The following MDGA1 variants were observed in gnomAD, a reference collection of about 807,000 sequenced individuals.
MDGA1 encodes the protein MAM domain containing glycosylphosphatidylinositol anchor 1, also known as MAM domain-containing glycosylphosphatidylinositol anchor protein 1.
MDGA1 carries 54 observed loss-of-function variants against 101.5 expected under a neutral mutation model. The ratio of observed to expected loss-of-function variants is 0.53; its 90% CI spans 0.43 to 0.67. The LOEUF (loss-of-function observed/expected upper bound fraction) is 0.67, where lower values mean the gene tolerates loss of function less well. MDGA1 is among the 30% of genes least tolerant of loss of function. MDGA1 has a pLI of 0.00. For missense variants in MDGA1, 1,083 were observed against 1,323.8 expected (o/e 0.82, Z 2.82); for synonymous variants, 533 against 558.3 (o/e 0.95, Z 0.64).
intron 2 of MDGA1, among the ~76,000 whole-genome samples, chr6:37,659,290 A>G (rs1412462516): frequency 6.6e-6 from 1 of 152,194 alleles, no homozygotes; most frequent in African/African-American, 2.4e-5. Context: ...GTTTTGGAGT[A>G]TTTGTTATGC....
intron 9 of MDGA1, 146 bp downstream of exon 9, chr6:37,648,836 G>C: frequency 7.2e-7 from 1 of 1,382,284 alleles, no homozygotes; most frequent in Non-Finnish European, 9.4e-7. Flanking sequence ...GGCGGGTCTT[G>C]GAAAGGCCGG....
intron 2 of MDGA1, among the ~76,000 whole-genome samples, chr6:37,662,643 A>AAAAAAAAAAAAGAAAAGAAAAG (rs572346506): frequency 4.8e-5 from 7 of 145,288 alleles, no homozygotes; most frequent in Middle Eastern, 3.5e-3. Flanking sequence ...TCAAAAAAAA[A>AAAAAAAAAAAAGAAAAGAAAAG]AAAACAAGGA....
Position 37,655,307 on chromosome 6 carries a change from T to C in MDGA1, c.580-375A>G, listed in dbSNP as rs1353134334. ...GAAAGCCCTCCTTGGCAGAATGGCA[T>C]CACCACCATCTCCTGGGACTATCAG... On this transcript the variant is annotated intron_variant, in intron 4 of 16. Coordinates refer to ENST00000434837, the MANE Select transcript of MDGA1 (RefSeq NM_153487.4). This position sits in a 1 kb window ranked among gnomAD's most constrained non-coding sequence, Gnocchi z 5.1. 2 of 341,552 alleles carry C rather than the reference T, an allele frequency of 5.9e-6. No homozygotes were observed. The highest frequency in any genetic ancestry group is 4.5e-5 in the South Asian group (1 of 22,334). The allele number at this position is 341,552 out of a possible 1,614,324, so 21.2% of individuals were successfully genotyped here.
chr6:37,668,839 T>TC (rs1761810613), intron 1 of MDGA1, among the ~76,000 whole-genome samples: 1 of 151,304 alleles, frequency 6.6e-6, no homozygotes, highest in Non-Finnish European at 1.5e-5. Flanking sequence ...TTTTCTCTCT[T>TC]TCTCTCTCTC....
In MDGA1 at chr6:37,648,999, C is replaced by T. The variant is rs1448211978; in HGVS notation, c.1877G>A (p.Cys626Tyr). The T allele has an allele frequency of 6.4e-7, 1 of 1,552,644 alleles. No homozygotes were observed. The highest frequency in any genetic ancestry group is 8.7e-7 in the Non-Finnish European group (1 of 1,149,744). Residue 626 changes from cysteine to tyrosine, a missense_variant, in exon 9 of 17, where the codon TGC (cysteine) becomes TAC (tyrosine). By Grantham distance (194) the Cys-to-Tyr change is radical (BLOSUM62 -2). Around this residue, in one of 3 missense-constraint regions of MDGA1, gnomAD observed 657 missense variants for 771.4 expected, o/e 0.85. Coordinates refer to ENST00000434837, the MANE Select transcript of MDGA1 (RefSeq NM_153487.4). ...ACGCTCACCGGAGACCTGGAAGAGG[C>T]AGGCAGCCGAGCCCACATCGTTGGA... ...SVSNDVGSAACLFQVSAKAYS... is the reference protein window; with the variant it reads ...SVSNDVGSAAYLFQVSAKAYS...
chr6:37,689,215 C>T (rs1372384439), intron 1 of MDGA1, among the ~76,000 whole-genome samples: 1 of 152,194 alleles, frequency 6.6e-6, no homozygotes, highest in African/African-American at 2.4e-5. Flanking sequence ...AGGGCTCTGG[C>T]CTCAGCCCAA....
chr6:37,666,118 C>CGG (rs959462060), intron 1 of MDGA1, among the ~76,000 whole-genome samples: 4 of 149,792 alleles, frequency 2.7e-5, no homozygotes, highest in African/African-American at 9.9e-5. Flanking sequence ...GAGGCCGAGG[C>CGG]GGGTGGATCA....
rs751369161 is a variant in MDGA1 at position 37,638,514 on chromosome 6, T to C, written c.2667+23A>G. The stretch of plus-strand genomic sequence containing the variant: ...CAGCAACCACCGAAGCCGGGGAGGG[T>C]CCTCTGGGCCCTACGGACTCACCTG... On this transcript the variant is annotated intron_variant, in intron 15 of 16. Coordinates refer to ENST00000434837, the MANE Select transcript of MDGA1 (RefSeq NM_153487.4). This position sits in a 1 kb window ranked among gnomAD's most constrained non-coding sequence, Gnocchi z 4.8. 6 of 1,611,802 alleles carry C rather than the reference T, an allele frequency of 3.7e-6. No individual in the cohort carries two copies. The highest frequency in any genetic ancestry group is 3.3e-5 in the South Asian group (3 of 91,010).
At chr6:37,657,032 G>A (rs1761505121) in intron 3 of MDGA1, among the ~76,000 whole-genome samples, 1 of 152,044 alleles carries the variant, frequency 6.6e-6, no homozygotes, top group South Asian at 2.1e-4. Context: ...GGGCATGAAG[G>A]AACTTTCTAG....
Position 37,660,402 on chromosome 6 carries a change from C to T in MDGA1, c.208-1983G>A, listed in dbSNP as rs550093838. Among the ~76,000 whole-genome samples, 127 of 152,148 alleles carry T rather than the reference C, an allele frequency of 8.3e-4. 1 individual carries two copies. The highest frequency in any genetic ancestry group is 3.0e-3 in the African/African-American group (125 of 41,534). On this transcript the variant is annotated intron_variant, in intron 2 of 16. Coordinates refer to ENST00000434837, the MANE Select transcript of MDGA1 (RefSeq NM_153487.4). Reference sequence around the variant, plus strand: ...TTTATGTTGTAGCTTCTCATTCTATCCTCCATGTCTCTCAACTTCTTTTTC... The same window carrying T: ...TTTATGTTGTAGCTTCTCATTCTATTCTCCATGTCTCTCAACTTCTTTTTC...
Position 37,655,030 on chromosome 6 carries a change from G to A in MDGA1, c.580-98C>T. 1 of 1,434,130 alleles carries A rather than the reference G, an allele frequency of 7.0e-7. No homozygotes were observed. The highest frequency in any genetic ancestry group is 9.4e-7 in the Non-Finnish European group (1 of 1,062,100). The allele number at this position is 1,434,130 out of a possible 1,614,324, so 88.8% of individuals were successfully genotyped here. A position where few individuals can be genotyped will look rare whatever the true frequency, so the allele number is the denominator to read the frequency against. On this transcript the variant is annotated intron_variant, in intron 4 of 16. Coordinates refer to ENST00000434837, the MANE Select transcript of MDGA1 (RefSeq NM_153487.4). The surrounding 1 kb of genome is among the most constrained non-coding windows in gnomAD (Gnocchi z 5.1). ...GCACCAGAGCCTACCACAAATGCCT[G>A]TCTAATTCCTCTCTTTCCATCCCCA...
rs1055412568 is a variant in MDGA1 at position 37,635,780 on chromosome 6, G to A, written c.*1588C>T. The A allele has an allele frequency of 2.8e-5, 11 of 398,396 alleles. No homozygotes were observed. Among genetic ancestry groups the A allele is most frequent in the African/African-American group, 1.6e-4 (8 of 48,644 alleles). 24.7% of individuals were successfully genotyped at this position (398,396 alleles called of 1,614,324 possible). A position where few individuals can be genotyped will look rare whatever the true frequency, so the allele number is the denominator to read the frequency against. On this transcript the variant is annotated 3_prime_UTR_variant, in exon 17 of 17. Coordinates refer to ENST00000434837, the MANE Select transcript of MDGA1 (RefSeq NM_153487.4). ...TCTCCGTCATCCATAGGGGATGAAAGGTGGAATTTCAGGCCATCGCAGGCA... is the reference window on the plus strand; with the variant it reads ...TCTCCGTCATCCATAGGGGATGAAAAGTGGAATTTCAGGCCATCGCAGGCA...
intron 6 of MDGA1, among the ~76,000 whole-genome samples, chr6:37,653,119 A>G (rs560250199): frequency 6.6e-6 from 1 of 152,358 alleles, no homozygotes; most frequent in African/African-American, 2.4e-5. Flanking sequence ...TGGACAGGAC[A>G]CTGGCACAAC....
rs371894553 is a variant in MDGA1, at chr6:37,654,515, G to C, written c.741C>G (p.Asn247Lys). 6.2e-7 allele frequency: 1 copy of C among 1,614,018 alleles called. No homozygotes were observed. The highest frequency in any genetic ancestry group is 8.5e-7 in the Non-Finnish European group (1 of 1,179,894). Residue 247 changes from asparagine to lysine, a missense_variant, in exon 6 of 17, where the codon AAC (asparagine) becomes AAG (lysine). Coordinates refer to ENST00000434837, the MANE Select transcript of MDGA1 (RefSeq NM_153487.4). ...TAPPALKLSV[N>K]ETLVVNPGEN... ...CCCCAGGGTTCACCACCAGAGTTTCGTTCACAGACAGCTTCAGGGCTGGTG... is the reference window on the plus strand; with the variant it reads ...CCCCAGGGTTCACCACCAGAGTTTCCTTCACAGACAGCTTCAGGGCTGGTG...
At chr6:37,666,924 TGATC>T (rs1203646784) in intron 1 of MDGA1, among the ~76,000 whole-genome samples, 1 of 152,224 alleles carries the variant, frequency 6.6e-6, no homozygotes, top group Admixed American at 6.5e-5. Context: ...AAACCTCTAG[TGATC>T]TTTGGACATT....
At chr6:37,648,853 G>T (rs1761282422) in intron 9 of MDGA1, 129 bp downstream of exon 9, 2 of 1,411,354 alleles carry the variant, frequency 1.4e-6, no homozygotes, top group South Asian at 1.5e-5. Flanking sequence ...CCGGGGCTAA[G>T]CCTGGAGTAG....
intron 1 of MDGA1, among the ~76,000 whole-genome samples, chr6:37,674,190 G>A (rs1047358747): frequency 4.6e-5 from 7 of 152,098 alleles, no homozygotes; most frequent in South Asian, 2.1e-4. Context: ...CCCATATTCA[G>A]CCAACCTTCC....
At chr6:37,687,437 T>A (rs1484912512) in intron 1 of MDGA1, among the ~76,000 whole-genome samples, 8 of 144,676 alleles carry the variant, frequency 5.5e-5, no homozygotes, top group African/African-American at 2.1e-4. Context: ...GGCATGGTGG[T>A]GTATGCCTGT....
In MDGA1 at chr6:37,646,248, G is replaced by T; in HGVS notation, c.2174C>A (p.Thr725Asn). The stretch of plus-strand genomic sequence containing the variant: ...GGCCATGTCACCAGCCCCGAAGGTG[G>T]TATAGGGTGTGAGGCGGACCTCATA... ...HSYEVRLTPY[T>N]TFGAGDMASR... The change falls in exon 11 of 17, where the codon ACC (threonine) becomes AAC (asparagine). Residue 725 changes from threonine to asparagine, a missense_variant. Thr to Asn is a moderately conservative substitution (Grantham distance 65). Transcript: ENST00000434837. 1 of 1,603,904 alleles carries T rather than the reference G, an allele frequency of 6.2e-7. No individual in the cohort carries two copies.
Sources: gnomAD v4.1 joint callset for allele counts (sites outside exome capture counted in the v4.1 genomes callset) on GRCh38, gnomAD v4.1.1 for gene constraint, gnomAD v4.1.1 regional missense constraint, Gnocchi (gnomAD v3.1) non-coding constraint, MANE v1.5 for transcripts, NCBI Gene and HGNC (gene_info 2026-07-23, HGNC 2026-07-21) for gene names.